Variants in ST18 observed in about 807,000 individuals in gnomAD.
ST18 encodes ST18 C2H2C-type zinc finger transcription factor.
In ST18, 50 loss-of-function variants were observed where a neutral mutation model predicts 110.0. The observed-to-expected ratio is 0.45, with a 90% confidence interval of 0.36 to 0.58. ST18 has a LOEUF of 0.58. Among genes scored for constraint, ST18 ranks in the 20% least tolerant of loss-of-function variants. The pLI is 0.00. For missense variants in ST18, 1,306 were observed against 1,280.1 expected, an observed-to-expected ratio of 1.02 and a Z score of -0.31; for synonymous variants, 461 against 452.4, an observed-to-expected ratio of 1.02 and a Z score of -0.24.
intron 9 of ST18, among the ~76,000 whole-genome samples, chr8:52,175,401 C>T (rs549015407): frequency 4.6e-5 from 7 of 152,164 alleles, no homozygotes; most frequent in African/African-American, 1.4e-4. Context: ...TCCCCACTCC[C>T]AGCACACTAT....
At chr8:52,393,387 A>T (rs1011121605) in intron 2 of ST18, among the ~76,000 whole-genome samples, 2 of 152,010 alleles carry the variant, frequency 1.3e-5, no homozygotes, top group Admixed American at 6.6e-5. Flanking sequence ...CACCATATAG[A>T]CTCAGTCCTG....
At chr8:52,324,222 T>C (rs1805253619) in intron 2 of ST18, among the ~76,000 whole-genome samples, 1 of 152,198 alleles carries the variant, frequency 6.6e-6, no homozygotes. Flanking sequence ...TTAGGGCCAC[T>C]GGGCCTCAGG....
intron 22 of ST18, among the ~76,000 whole-genome samples, chr8:52,129,179 A>G (rs1395248465): frequency 6.6e-6 from 1 of 152,088 alleles, no homozygotes; most frequent in Non-Finnish European, 1.5e-5. Context: ...ATTAAATTCT[A>G]CATAGGCCAG....
intron 2 of ST18, among the ~76,000 whole-genome samples, chr8:52,367,092 C>T (rs1396246133): frequency 1.3e-5 from 2 of 152,056 alleles, no homozygotes; most frequent in Non-Finnish European, 1.5e-5. Flanking sequence ...ATTAGCTGGG[C>T]GTGGTGGTGC....
intron 2 of ST18, among the ~76,000 whole-genome samples, chr8:52,311,159 T>A (rs750789913): frequency 1.3e-5 from 2 of 152,218 alleles, no homozygotes; most frequent in Non-Finnish European, 2.9e-5. Context: ...GGACATGTTC[T>A]GTTTGAAATC....
intron 2 of ST18, among the ~76,000 whole-genome samples, chr8:52,339,352 A>G (rs1014451256): frequency 3.3e-5 from 5 of 152,212 alleles, no homozygotes; most frequent in African/African-American, 1.2e-4. Flanking sequence ...CTCTAGACCC[A>G]GATCTCAAGG....
At chr8:52,175,941 C>T (rs760285537) in intron 9 of ST18, among the ~76,000 whole-genome samples, 5 of 152,104 alleles carry the variant, frequency 3.3e-5, no homozygotes, top group African/African-American at 1.2e-4. Context: ...CAGCTAAGAA[C>T]ACTAGTAGCT....
chr8:52,165,556 C>A (rs1317813370), intron 11 of ST18, among the ~76,000 whole-genome samples: 1 of 152,122 alleles, frequency 6.6e-6, no homozygotes, highest in East Asian at 1.9e-4. Context: ...TGGAGCATGC[C>A]GTTTGTCATA....
intron 2 of ST18, among the ~76,000 whole-genome samples, chr8:52,328,523 G>A (rs1807554287): frequency 6.6e-6 from 1 of 152,058 alleles, no homozygotes; most frequent in Admixed American, 6.6e-5. Flanking sequence ...TTTAGCACAT[G>A]GTGTTCACAC....
At chr8:52,272,451 CATAGAT>C (rs1281664128) in intron 2 of ST18, among the ~76,000 whole-genome samples, 1 of 152,086 alleles carries the variant, frequency 6.6e-6, no homozygotes, top group African/African-American at 2.4e-5. Flanking sequence ...TAGGTATAGA[CATAGAT>C]ATAGATATAA....
chr8:52,295,158 TTTC>T (rs2095612858), intron 2 of ST18, among the ~76,000 whole-genome samples: 1 of 152,186 alleles, frequency 6.6e-6, no homozygotes, highest in Non-Finnish European at 1.5e-5. Context: ...TAACCACTTT[TTTC>T]TTTTTTTCAC....
intron 2 of ST18, among the ~76,000 whole-genome samples, chr8:52,358,179 C>A (rs950593473): frequency 3.3e-5 from 5 of 151,614 alleles, no homozygotes; most frequent in Non-Finnish European, 7.4e-5. Context: ...CACAAAATGC[C>A]AACATCTATG....
At chr8:52,246,484 A>C (rs1281674035) in intron 2 of ST18, 2 of 152,216 alleles carry the variant, frequency 1.3e-5, no homozygotes, top group Non-Finnish European at 2.9e-5. Flanking sequence ...AAGTGTAATA[A>C]AATTTTTAGG....
chr8:52,137,182 G>A (rs911984851), intron 18 of ST18, among the ~76,000 whole-genome samples: 1 of 152,082 alleles, frequency 6.6e-6, no homozygotes, highest in Non-Finnish European at 1.5e-5. Flanking sequence ...ACACAGAACC[G>A]AAGCCTGACA....
chr8:52,406,509 G>A (rs980717873), intron 2 of ST18: 2 of 152,278 alleles, frequency 1.3e-5, no homozygotes, highest in African/African-American at 4.8e-5. Context: ...TAGGGTAAGA[G>A]TTTGGGGCCC....
intron 2 of ST18, among the ~76,000 whole-genome samples, chr8:52,281,028 G>C (rs2095366724): frequency 6.6e-6 from 1 of 152,034 alleles, no homozygotes; most frequent in African/African-American, 2.4e-5. Context: ...CAATAACAAA[G>C]AGTAAGTTAA....
intron 2 of ST18, among the ~76,000 whole-genome samples, chr8:52,263,503 G>A (rs745844998): frequency 1.3e-4 from 19 of 151,604 alleles, no homozygotes; most frequent in African/African-American, 2.4e-5. Flanking sequence ...GCCAAGTGTT[G>A]TTCCTCATTT....
chr8:52,312,371 T>C (rs886419607), intron 2 of ST18, among the ~76,000 whole-genome samples: 7 of 152,228 alleles, frequency 4.6e-5, no homozygotes, highest in Non-Finnish European at 5.9e-5. Context: ...TGCCACATGC[T>C]TTCAAAGGAA....
At chr8:52,214,764 T>G (rs1026975172) in intron 6 of ST18, among the ~76,000 whole-genome samples, 2 of 152,206 alleles carry the variant, frequency 1.3e-5, no homozygotes, top group African/African-American at 4.8e-5. Flanking sequence ...ATTAGAAATT[T>G]TGATTATCAA....
Sources: gnomAD v4.1 joint callset for allele counts (sites outside exome capture counted in the v4.1 genomes callset) on GRCh38, gnomAD v4.1.1 for gene constraint, MANE v1.5 for transcripts, NCBI Gene and HGNC (gene_info 2026-07-23, HGNC 2026-07-21) for gene names.